TENM3: variants seen among roughly 807,000 people sequenced by gnomAD.
The protein encoded by TENM3 is teneurin-3.
TENM3 carries 63 observed loss-of-function variants against 255.1 expected under a neutral mutation model. The ratio of observed to expected loss-of-function variants is 0.25; its 90% CI spans 0.20 to 0.30. The LOEUF (loss-of-function observed/expected upper bound fraction) is 0.30, where lower values mean the gene tolerates loss of function less well. TENM3 is among the 10% of genes least tolerant of loss of function. The pLI is 1.00. For missense variants in TENM3, 2,929 were observed against 3,461.1 expected (o/e 0.85, Z 3.86); for synonymous variants, 1,306 against 1,322.3 (o/e 0.99, Z 0.27).
At chr4:181,557,489 A>C in the TENM3 span, among the ~76,000 whole-genome samples, 3 of 152,198 alleles carry the variant, frequency 2.0e-5, no homozygotes, top group Admixed American at 6.5e-5. Flanking sequence ...ATACATATTG[A>C]ATGTGTTGGG....
At chr4:182,072,231 G>A in the TENM3 span, among the ~76,000 whole-genome samples, 1 of 152,132 alleles carries the variant, frequency 6.6e-6, no homozygotes, top group Admixed American at 6.5e-5. Flanking sequence ...ACAGATACTA[G>A]CTCTCCAGTA....
intron 3 of TENM3, among the ~76,000 whole-genome samples, chr4:182,552,793 T>TA (rs1172413335): frequency 3.3e-5 from 5 of 152,244 alleles, no homozygotes; most frequent in Non-Finnish European, 5.9e-5. Context: ...GTTATTTTAA[T>TA]ATGAGTCCTC....
the TENM3 span, among the ~76,000 whole-genome samples, chr4:181,879,290 A>G: frequency 1.2e-4 from 19 of 152,222 alleles, no homozygotes; most frequent in African/African-American, 3.9e-4. Context: ...TGGGGGAGGG[A>G]GAGAAAGTAG....
intron 3 of TENM3, among the ~76,000 whole-genome samples, chr4:182,489,104 G>C (rs1220345136): frequency 6.6e-6 from 1 of 152,068 alleles, no homozygotes; most frequent in African/African-American, 2.4e-5. Context: ...AGTCTTGACA[G>C]GTTTTTATTT....
the TENM3 span, among the ~76,000 whole-genome samples, chr4:182,108,627 G>T: frequency 2.0e-5 from 3 of 152,154 alleles, no homozygotes; most frequent in African/African-American, 7.2e-5. Context: ...ATATGGAGAG[G>T]GGTGGGTGGA....
chr4:182,743,056 C>T, intron 18 of TENM3, 114 bp from the exon 19 acceptor site: 1 of 1,142,296 alleles, frequency 8.8e-7, no homozygotes, highest in Non-Finnish European at 1.2e-6. Context: ...ATAAGAATGT[C>T]TTAATCCAGA....
At chr4:181,847,263 A>G in the TENM3 span, among the ~76,000 whole-genome samples, 2 of 152,364 alleles carry the variant, frequency 1.3e-5, no homozygotes, top group African/African-American at 4.8e-5. Context: ...CATTAAGGTA[A>G]TTTTCACTGG....
rs1029640312 is a variant in TENM3 at position 182,517,230 on chromosome 4, G to A, written c.512-83694G>A. ...CATAGTTGGAGACGCTTATGGAAACGGCCAAAACCATAATCTAAAAGTAGG... is the reference window on the plus strand; with the variant it reads ...CATAGTTGGAGACGCTTATGGAAACAGCCAAAACCATAATCTAAAAGTAGG... On this transcript the variant is annotated intron_variant, in intron 3 of 27. Coordinates refer to ENST00000511685, the MANE Select transcript of TENM3 (RefSeq NM_001080477.4). 3.9e-5 allele frequency among the ~76,000 whole-genome samples: 6 copies of A among 151,952 alleles called. 1 individual carries two copies. Among genetic ancestry groups the A allele is most frequent in the South Asian group, 4.2e-4 (2 of 4,798 alleles).
At position 182,769,415 on chromosome 4, in the gene TENM3, G is replaced by A. The variant is rs183912774; in HGVS notation, c.4893-4057G>A. On this transcript the variant is annotated intron_variant, in intron 22 of 27. Coordinates refer to ENST00000511685, the MANE Select transcript of TENM3 (RefSeq NM_001080477.4). The stretch of plus-strand genomic sequence containing the variant: ...CTAATCTGTGAAAAAGTTTTTACTC[G>A]TCCGCACTGAAATGAAAAAAAAAAA... Among the ~76,000 whole-genome samples the A allele has an allele frequency of 1.1e-3, 170 of 150,078 alleles. 4 individuals carry two copies. Among genetic ancestry groups the A allele is most frequent in the Admixed American group, 9.4e-3 (142 of 15,136 alleles).
At chr4:181,779,426 C>T in the TENM3 span, among the ~76,000 whole-genome samples, 1 of 151,916 alleles carries the variant, frequency 6.6e-6, no homozygotes, top group Non-Finnish European at 1.5e-5. Context: ...CATTTTCCAA[C>T]CTAACCAAGC....
intron 27 of TENM3, 31 bp downstream of exon 27, chr4:182,796,798 A>C: frequency 6.4e-7 from 1 of 1,568,812 alleles, no homozygotes; most frequent in Non-Finnish European, 8.7e-7. Context: ...CGGAAAGGTG[A>C]TAAGTAGCTT....
At chr4:182,715,586 T>G (rs1183248213) in intron 13 of TENM3, among the ~76,000 whole-genome samples, 1 of 152,242 alleles carries the variant, frequency 6.6e-6, no homozygotes, top group Admixed American at 6.5e-5. Flanking sequence ...TTCCCTTCTT[T>G]GCTTTCAAAA....
At chr4:182,637,872 TA>T (rs1324201921) in intron 5 of TENM3, among the ~76,000 whole-genome samples, 7 of 152,214 alleles carry the variant, frequency 4.6e-5, no homozygotes, top group Non-Finnish European at 4.4e-5. Flanking sequence ...TGCTAAGGCC[TA>T]AATAATAACT....
the TENM3 span, among the ~76,000 whole-genome samples, chr4:181,850,437 AT>A: frequency 6.6e-6 from 1 of 152,074 alleles, no homozygotes; most frequent in Non-Finnish European, 1.5e-5. Flanking sequence ...CATTTAAAAT[AT>A]TTTTAAATGG....
intron 11 of TENM3, among the ~76,000 whole-genome samples, chr4:182,682,502 G>T (rs1756251811): frequency 2.6e-5 from 4 of 152,148 alleles, no homozygotes; most frequent in Admixed American, 2.6e-4. Context: ...GGTTATAATA[G>T]AAATAAGACA....
chr4:181,693,790 T>C, the TENM3 span, among the ~76,000 whole-genome samples: 1 of 152,114 alleles, frequency 6.6e-6, no homozygotes, highest in Non-Finnish European at 1.5e-5. Flanking sequence ...TCCTCCTACA[T>C]GGAGCAGAGA....
intron 16 of TENM3, among the ~76,000 whole-genome samples, chr4:182,736,380 C>G (rs754050312): frequency 6.6e-6 from 1 of 152,160 alleles, no homozygotes; most frequent in Non-Finnish European, 1.5e-5. Flanking sequence ...CTCTAATTCT[C>G]CAGGGTGATG....
the TENM3 span, among the ~76,000 whole-genome samples, chr4:181,633,714 T>C: frequency 6.6e-6 from 1 of 152,212 alleles, no homozygotes; most frequent in Non-Finnish European, 1.5e-5. Flanking sequence ...TACTAATATG[T>C]CCTTTTTCTC....
In TENM3 at chr4:182,802,736, GA is replaced by G. The variant is rs1158919114; in HGVS notation, c.*2388del. The G allele has an allele frequency of 7.3e-6, 1 of 136,686 alleles. No homozygotes were observed. The highest frequency in any genetic ancestry group is 1.5e-5 in the Non-Finnish European group (1 of 65,550). 8.5% of individuals were successfully genotyped at this position (136,686 alleles called of 1,614,324 possible). Reference sequence around the variant, plus strand: ...TTGTGATCTGGACATGCTTTTACAAGAAATAGTGACCTTGGGGAATATGTAA... The same window carrying G: ...TTGTGATCTGGACATGCTTTTACAAGAATAGTGACCTTGGGGAATATGTAA... On this transcript the variant is annotated 3_prime_UTR_variant, in exon 28 of 28. Coordinates refer to ENST00000511685, the MANE Select transcript of TENM3 (RefSeq NM_001080477.4).
Sources: allele counts gnomAD v4.1 joint callset (sites outside exome capture counted in the v4.1 genomes callset), GRCh38; gene constraint gnomAD v4.1.1; transcripts MANE v1.5; gene names NCBI Gene and HGNC (gene_info 2026-07-23, HGNC 2026-07-21).